The following CDK14 variants were observed in gnomAD, a reference collection of about 807,000 sequenced individuals.
The protein encoded by CDK14 is cyclin dependent kinase 14, also known as cyclin-dependent kinase 14.
A neutral mutation model predicts 60.7 loss-of-function variants in CDK14; 34 were observed. The ratio of observed to expected loss-of-function variants is 0.56; its 90% CI spans 0.43 to 0.75. CDK14 has a LOEUF of 0.75. Ranked by LOEUF, CDK14 falls within the 30% of genes least tolerant of loss-of-function variation. The probability of loss-of-function intolerance (pLI) is 0.00; values close to 1 mark genes in which losing one functional copy is unlikely to be tolerated. For missense variants in CDK14, 482 were observed against 564.1 expected (o/e 0.85, Z 1.47); for synonymous variants, 197 against 203.7 (o/e 0.97, Z 0.28).
At chr7:90,975,980 GA>G (rs1795060664) in intron 9 of CDK14, among the ~76,000 whole-genome samples, 1 of 152,108 alleles carries the variant, frequency 6.6e-6, no homozygotes, top group South Asian at 2.1e-4. Flanking sequence ...TAGCTATTGT[GA>G]ATAGTTCTGC....
intron 8 of CDK14, among the ~76,000 whole-genome samples, chr7:90,952,758 G>A (rs1160529379): frequency 6.6e-6 from 1 of 152,124 alleles, no homozygotes; most frequent in Non-Finnish European, 1.5e-5. Context: ...CTCTGTTCCT[G>A]TAGTGTAACC....
intron 2 of CDK14, among the ~76,000 whole-genome samples, chr7:90,715,080 T>C (rs756693429): frequency 6.6e-6 from 1 of 152,114 alleles, no homozygotes; most frequent in Non-Finnish European, 1.5e-5. Flanking sequence ...TTTCATGTTT[T>C]AATGTTATTG....
chr7:91,184,884 A>G (rs1802121123), intron 14 of CDK14, among the ~76,000 whole-genome samples: 1 of 152,028 alleles, frequency 6.6e-6, no homozygotes, highest in East Asian at 1.9e-4. Context: ...GCCAGGCAGT[A>G]GGGTTGGGGT....
In CDK14 at chr7:90,999,000, C is replaced by T. The variant is rs569290312; in HGVS notation, c.1041+14759C>T. 5.9e-5 allele frequency among the ~76,000 whole-genome samples: 9 copies of T among 152,256 alleles called. No individual in the cohort carries two copies. The South Asian group carries it at 1.9e-3, about 32-fold the overall frequency. The stretch of plus-strand genomic sequence containing the variant: ...TGAGGGCCTTCTTATGTCGTAACAT[C>T]GTGGAGAGCATCAGATGGCTAGAGG... On this transcript the variant is annotated intron_variant, in intron 10 of 14. Coordinates refer to ENST00000380050, the MANE Select transcript of CDK14 (RefSeq NM_001287135.2).
chr7:90,830,527 G>C (rs1789881071), intron 5 of CDK14, among the ~76,000 whole-genome samples: 1 of 152,312 alleles, frequency 6.6e-6, no homozygotes, highest in African/African-American at 2.4e-5. Flanking sequence ...AAATGCCCTG[G>C]ATACGTTTTC....
chr7:91,151,989 C>T (rs1049006988), intron 14 of CDK14, among the ~76,000 whole-genome samples: 7 of 152,156 alleles, frequency 4.6e-5, no homozygotes, highest in African/African-American at 1.7e-4. Flanking sequence ...TACATAAAAC[C>T]GAACTTGTGT....
At chr7:90,855,005 G>T (rs1790777225) in intron 5 of CDK14, among the ~76,000 whole-genome samples, 1 of 152,132 alleles carries the variant, frequency 6.6e-6, no homozygotes, top group African/African-American at 2.4e-5. Flanking sequence ...GCATTTGTTT[G>T]GATCTTTCCC....
At chr7:91,102,138 A>G (rs1356256256) in intron 12 of CDK14, among the ~76,000 whole-genome samples, 1 of 152,184 alleles carries the variant, frequency 6.6e-6, no homozygotes, top group Non-Finnish European at 1.5e-5. Flanking sequence ...TATCCTTGCC[A>G]CAGAGATGTG....
intron 11 of CDK14, among the ~76,000 whole-genome samples, chr7:91,071,832 C>A (rs147170786): frequency 1.3e-5 from 2 of 152,332 alleles, no homozygotes; most frequent in East Asian, 3.9e-4. Context: ...CTGCTGAAGC[C>A]AGGGAGGCTG....
Position 91,050,017 on chromosome 7 carries a change from G to A in CDK14, c.1105+4057G>A, listed in dbSNP as rs568713691. Among the ~76,000 whole-genome samples the A allele has an allele frequency of 3.3e-5, 5 of 152,282 alleles. No homozygotes were observed. The South Asian group carries it at 1.0e-3, about 32-fold the overall frequency. ...GAAGACATTTGACTGAAGAATATGAGAGACAGAGCCAAGAAGATATTTGAG... is the reference window on the plus strand; with the variant it reads ...GAAGACATTTGACTGAAGAATATGAAAGACAGAGCCAAGAAGATATTTGAG... On this transcript the variant is annotated intron_variant, in intron 11 of 14. Coordinates refer to ENST00000380050, the MANE Select transcript of CDK14 (RefSeq NM_001287135.2).
At chr7:90,628,435 T>G (rs1311762888) in intron 2 of CDK14, among the ~76,000 whole-genome samples, 1 of 152,188 alleles carries the variant, frequency 6.6e-6, no homozygotes, top group Non-Finnish European at 1.5e-5. Flanking sequence ...TGGCTATGGC[T>G]GAATTTCAGC....
At chr7:90,636,878 G>C (rs1049845503) in intron 2 of CDK14, among the ~76,000 whole-genome samples, 1 of 151,612 alleles carries the variant, frequency 6.6e-6, no homozygotes, top group African/African-American at 2.4e-5. Flanking sequence ...TGTATGTGTC[G>C]AGGAATTTAT....
chr7:90,986,020 C>A (rs556320726), intron 10 of CDK14, among the ~76,000 whole-genome samples: 5 of 151,988 alleles, frequency 3.3e-5, no homozygotes, highest in African/African-American at 4.8e-5. Context: ...AAAACCACAT[C>A]TAGTATTTGG....
At chr7:90,895,303 A>ATTCTTTCCTC (rs200454530) in intron 6 of CDK14, among the ~76,000 whole-genome samples, 49,775 of 78,214 alleles carry the variant, frequency 0.64, 20,887 homozygotes, top group East Asian at 0.92. Flanking sequence ...CACTTTTCCC[A>ATTCTTTCCTC]TTCTTTCCTC....
intron 9 of CDK14, among the ~76,000 whole-genome samples, chr7:90,959,066 C>T (rs1348068019): frequency 6.6e-6 from 1 of 151,954 alleles, no homozygotes; most frequent in East Asian, 1.9e-4. Flanking sequence ...TGTGTGTGTT[C>T]ATTCTCTCAA....
At chr7:91,198,972 A>G (rs1802634087) in intron 14 of CDK14, among the ~76,000 whole-genome samples, 1 of 152,200 alleles carries the variant, frequency 6.6e-6, no homozygotes, top group Non-Finnish European at 1.5e-5. Context: ...AGATTTGTGT[A>G]TATGCATTTT....
At chr7:91,117,403 G>C (rs1799641178) in intron 13 of CDK14, among the ~76,000 whole-genome samples, 1 of 151,370 alleles carries the variant, frequency 6.6e-6, no homozygotes, top group Admixed American at 6.6e-5. Flanking sequence ...TTCTCTTCTT[G>C]CCTCCTTAAA....
At chr7:90,974,568 C>T (rs1348322294) in intron 9 of CDK14, among the ~76,000 whole-genome samples, 1 of 152,078 alleles carries the variant, frequency 6.6e-6, no homozygotes, top group African/African-American at 2.4e-5. Context: ...AGAAGGAGAA[C>T]AATGTTTTAT....
chr7:91,089,869 T>A (rs909187587), intron 12 of CDK14, among the ~76,000 whole-genome samples: 1 of 152,150 alleles, frequency 6.6e-6, no homozygotes, highest in Non-Finnish European at 1.5e-5. Context: ...AATGGAATTT[T>A]TTTCATTTGG....
Sources: allele counts gnomAD v4.1 joint callset (sites outside exome capture counted in the v4.1 genomes callset), GRCh38; gene constraint gnomAD v4.1.1; transcripts MANE v1.5; gene names NCBI Gene and HGNC (gene_info 2026-07-23, HGNC 2026-07-21).